Variants in WWOX observed in about 807,000 individuals in gnomAD.
WWOX encodes the protein WW domain-containing oxidoreductase.
In WWOX, 69 loss-of-function variants were observed where a neutral mutation model predicts 46.2. The ratio of observed to expected loss-of-function variants is 1.49; its 90% CI spans 1.23 to 1.82. WWOX has a LOEUF of 1.82. Among genes scored for constraint, WWOX ranks in the 40% most tolerant of loss-of-function variants. The pLI is 0.00. For missense variants in WWOX, 919 were observed against 542.6 expected (o/e 1.69, Z -6.89); for synonymous variants, 359 against 202.6 (o/e 1.77, Z -6.56).
At chr16:78,967,493 G>T (rs2046385471) in intron 8 of WWOX, among the ~76,000 whole-genome samples, 1 of 136,094 alleles carries the variant, frequency 7.3e-6, no homozygotes, top group Non-Finnish European at 1.5e-5. Context: ...CTGCTGAGAT[G>T]GGGATTTCAC....
intron 4 of WWOX, among the ~76,000 whole-genome samples, chr16:78,154,461 C>T (rs2034527239): frequency 6.9e-6 from 1 of 144,560 alleles, no homozygotes; most frequent in African/African-American, 2.6e-5. Flanking sequence ...TTTATTTACA[C>T]AGAGTTGCTC....
chr16:79,094,926 T>C (rs925697770), intron 8 of WWOX, among the ~76,000 whole-genome samples: 4 of 152,208 alleles, frequency 2.6e-5, no homozygotes, highest in African/African-American at 7.2e-5. Context: ...TTTTTCACTT[T>C]ACTGCTGAGG....
chr16:78,295,572 A>G (rs921713921), intron 5 of WWOX, among the ~76,000 whole-genome samples: 1 of 152,158 alleles, frequency 6.6e-6, no homozygotes, highest in Non-Finnish European at 1.5e-5. Context: ...TTAGCCGGAC[A>G]TGATGGCAAG....
intron 8 of WWOX, among the ~76,000 whole-genome samples, chr16:78,455,295 G>T (rs913060036): frequency 2.1e-5 from 3 of 143,060 alleles, no homozygotes; most frequent in African/African-American, 8.6e-5. Context: ...CAAAGTTATG[G>T]GGGTGCTAAA....
Position 79,055,589 on chromosome 16 carries a change from C to G in WWOX, c.1057-156019C>G, listed in dbSNP as rs1002437667. Among the ~76,000 whole-genome samples the G allele has an allele frequency of 2.0e-5, 3 of 152,218 alleles. No homozygotes were observed. In the East Asian group the frequency reaches 5.8e-4, roughly 29 times the overall value. On this transcript the variant is annotated intron_variant, in intron 8 of 8. Transcript: ENST00000566780. ...TACTTCCCATTCCCCACCTCAAGGC[C>G]CTGTCCAAACTGAAGATTCATGGGC...
chr16:78,503,104 T>G (rs2085110624), intron 8 of WWOX, among the ~76,000 whole-genome samples: 1 of 152,200 alleles, frequency 6.6e-6, no homozygotes, highest in Admixed American at 6.5e-5. Flanking sequence ...TTTTGAGATT[T>G]ATGAGGCCTA....
chr16:78,348,157 A>G (rs34230267), intron 5 of WWOX, among the ~76,000 whole-genome samples: 20,968 of 121,652 alleles, frequency 0.17, 7,078 homozygotes, highest in African/African-American at 0.43. Flanking sequence ...GTCTAGAGTC[A>G]ACATGAAAAT....
chr16:78,427,408 A>T (rs1163917810), intron 7 of WWOX, among the ~76,000 whole-genome samples: 1 of 152,104 alleles, frequency 6.6e-6, no homozygotes, highest in Non-Finnish European at 1.5e-5. Flanking sequence ...GCTGTGAAAA[A>T]ATTTCAGATA....
chr16:78,643,002 A>G (rs540628674), intron 8 of WWOX, among the ~76,000 whole-genome samples: 1 of 152,270 alleles, frequency 6.6e-6, no homozygotes, highest in African/African-American at 2.4e-5. Flanking sequence ...GAGATGAAAT[A>G]CTTAAACTGT....
At chr16:79,195,698 C>T (rs1189097500) in intron 8 of WWOX, among the ~76,000 whole-genome samples, 1 of 152,144 alleles carries the variant, frequency 6.6e-6, no homozygotes, top group Non-Finnish European at 1.5e-5. Context: ...GAGCTAGCTC[C>T]TTGTGAAGGA....
At chr16:78,797,843 C>G in intron 8 of WWOX, among the ~76,000 whole-genome samples, 1 of 152,190 alleles carries the variant, frequency 6.6e-6, no homozygotes, top group East Asian at 1.9e-4. Context: ...CAAAAATTAG[C>G]TGCGCGTGGT....
intron 8 of WWOX, among the ~76,000 whole-genome samples, chr16:78,761,891 G>C (rs1039274291): frequency 1.3e-5 from 2 of 152,146 alleles, no homozygotes; most frequent in Non-Finnish European, 2.9e-5. Context: ...TAGTTCATTA[G>C]TGCTTTATCT....
intron 8 of WWOX, among the ~76,000 whole-genome samples, chr16:79,025,273 G>C (rs1336756949): frequency 2.0e-5 from 3 of 152,174 alleles, no homozygotes; most frequent in African/African-American, 4.8e-5. Context: ...GTCCATAAAG[G>C]CCTGAGTTAA....
At chr16:78,860,730 G>A (rs1432501973) in intron 8 of WWOX, among the ~76,000 whole-genome samples, 2 of 152,214 alleles carry the variant, frequency 1.3e-5, no homozygotes, top group Non-Finnish European at 2.9e-5. Flanking sequence ...CTGCTGCACT[G>A]CAAAATGTGT....
At chr16:78,905,645 A>C (rs550498339) in intron 8 of WWOX, among the ~76,000 whole-genome samples, 1 of 152,278 alleles carries the variant, frequency 6.6e-6, no homozygotes, top group African/African-American at 2.4e-5. Context: ...CCCCTTCCAA[A>C]GTGCTGGGAT....
At chr16:78,425,237 T>C (rs374872212) in intron 7 of WWOX, among the ~76,000 whole-genome samples, 182 bp downstream of exon 7, 4 of 152,200 alleles carry the variant, frequency 2.6e-5, no homozygotes, top group African/African-American at 7.2e-5. Context: ...GGGGACTGTT[T>C]AGAAGGACTT....
chr16:78,986,768 G>A (rs2046792225), intron 8 of WWOX, among the ~76,000 whole-genome samples: 1 of 152,140 alleles, frequency 6.6e-6, no homozygotes, highest in African/African-American at 2.4e-5. Flanking sequence ...CTTCAGAAGA[G>A]ATTTTAAAGT....
At chr16:79,187,586 T>C (rs1486150928) in intron 8 of WWOX, among the ~76,000 whole-genome samples, 1 of 152,190 alleles carries the variant, frequency 6.6e-6, no homozygotes, top group East Asian at 1.9e-4. Flanking sequence ...AGCTGATTTT[T>C]AGTGGAGACA....
intron 8 of WWOX, among the ~76,000 whole-genome samples, chr16:79,061,627 C>T (rs1359660257): frequency 6.6e-6 from 1 of 152,128 alleles, no homozygotes; most frequent in African/African-American, 2.4e-5. Context: ...GAGCACTGAT[C>T]CATGACAGTA....
Sources: gnomAD v4.1 joint callset for allele counts (sites outside exome capture counted in the v4.1 genomes callset) on GRCh38, gnomAD v4.1.1 for gene constraint, MANE v1.5 for transcripts, NCBI Gene and HGNC (gene_info 2026-07-23, HGNC 2026-07-21) for gene names.